The following VAMP2 variants were observed in gnomAD, a reference collection of about 807,000 sequenced individuals.
The protein encoded by VAMP2 is vesicle associated membrane protein 2.
For missense variants in VAMP2, 95 were observed against 151.3 expected (o/e 0.63, Z 1.95); for synonymous variants, 67 against 57.3 (o/e 1.17, Z -0.76).
In VAMP2 at chr17:8,160,380, G is replaced by GTTGTTTTTTTT. The variant is rs1983260313; in HGVS notation, c.*474_*475insAAAAAAAACAA. On this transcript the variant is annotated 3_prime_UTR_variant, in exon 5 of 5. Coordinates refer to ENST00000316509, the MANE Select transcript of VAMP2 (RefSeq NM_014232.3). ...TAAGGAAGCCTGGACAGGTGCTGTT[G>GTTGTTTTTTTT]TTTTTTTTTTTTTTTTTTTTTTTTT... is the stretch of plus-strand genomic sequence containing the variant. 1 of 35,108 alleles carries GTTGTTTTTTTT rather than the reference G, an allele frequency of 2.8e-5. No individual in the cohort carries two copies. 2.2% of individuals were successfully genotyped at this position (35,108 alleles called of 1,614,324 possible). A position where few individuals can be genotyped will look rare whatever the true frequency, so the allele number is the denominator to read the frequency against.
intron 1 of VAMP2, 58 bp from the exon 2 acceptor site, chr17:8,162,427 G>C: frequency 6.3e-7 from 1 of 1,593,016 alleles, no homozygotes. Context: ...CCCGCAGCCA[G>C]GGCTCCGCCC....
Position 8,161,597 on chromosome 17 carries a change from C to T in VAMP2, c.282+11G>A, listed in dbSNP as rs1254163636. 4 of 1,613,922 alleles carry T rather than the reference C, an allele frequency of 2.5e-6. No homozygotes were observed. Among genetic ancestry groups the T allele is most frequent in the Non-Finnish European group, 3.4e-6 (4 of 1,179,910 alleles). Reference sequence around the variant, plus strand: ...TCACCCACCTGTCCTCCTTCCTGTCCCCACCCTTACCTTGAGGTTTTTCCA... The same window carrying T: ...TCACCCACCTGTCCTCCTTCCTGTCTCCACCCTTACCTTGAGGTTTTTCCA... On this transcript the variant is annotated intron_variant, in intron 3 of 4. Coordinates refer to ENST00000316509, the MANE Select transcript of VAMP2 (RefSeq NM_014232.3).
At chr17:8,162,613 G>A in intron 1 of VAMP2, 2 of 1,407,990 alleles carry the variant, frequency 1.4e-6, no homozygotes, top group Non-Finnish European at 1.8e-6. Context: ...ATGCGATCCG[G>A]GTCGACCCGA....
At chr17:8,161,354 T>C (rs1361996538) in intron 4 of VAMP2, 119 bp downstream of exon 4, 2 of 1,386,098 alleles carry the variant, frequency 1.4e-6, no homozygotes, top group Admixed American at 2.4e-5. Context: ...GAATTGCCAT[T>C]AGCAGCTATA....
chr17:8,162,353 T>C lies in VAMP2; in HGVS notation c.19A>G (p.Thr7Ala), dbSNP rs546746397. Residue 7 changes from threonine to alanine, a missense_variant, in exon 2 of 5, where the codon ACG (threonine) becomes GCG (alanine). By Grantham distance (58) the Thr-to-Ala change is moderately conservative. Transcript: ENST00000316509. ...CCAGCCGGGGCAGCAGGGGGGGCCG[T>C]GGCAGCGGTAGCAGACCTGAGGAGC... MSATAATAPPAAPAGEG... is the reference protein window; with the variant it reads MSATAAAAPPAAPAGEG... 1 of 1,608,164 alleles carries C rather than the reference T, an allele frequency of 6.2e-7. No homozygotes were observed. Among genetic ancestry groups the C allele is most frequent in the African/African-American group, 1.3e-5 (1 of 74,622 alleles).
chr17:8,161,866 C>A (rs1039931153), intron 2 of VAMP2, 100 bp from the exon 3 acceptor site: 2 of 1,512,438 alleles, frequency 1.3e-6, no homozygotes, highest in Non-Finnish European at 1.8e-6. Context: ...GGAACATGCA[C>A]CCTGATACTG....
At position 8,159,911 on chromosome 17, in the gene VAMP2, G is replaced by A. The variant is rs909675916; in HGVS notation, c.*944C>T. On this transcript the variant is annotated 3_prime_UTR_variant, in exon 5 of 5. Coordinates refer to ENST00000316509, the MANE Select transcript of VAMP2 (RefSeq NM_014232.3). Reference sequence around the variant, plus strand: ...ATGAAAACTGGGGAGCAGGAATGTAGGGAGAAACCCGAAGTGGCAGAATTA... The same window carrying A: ...ATGAAAACTGGGGAGCAGGAATGTAAGGAGAAACCCGAAGTGGCAGAATTA... The A allele has an allele frequency of 6.6e-6, 1 of 152,586 alleles. No individual in the cohort carries two copies. Among genetic ancestry groups the A allele is most frequent in the African/African-American group, 2.4e-5 (1 of 41,456 alleles). 9.5% of individuals were successfully genotyped at this position (152,586 alleles called of 1,614,324 possible). A position where few individuals can be genotyped will look rare whatever the true frequency, so the allele number is the denominator to read the frequency against.
chr17:8,161,445 G>A (rs768339861), intron 4 of VAMP2, 28 bp downstream of exon 4: 120 of 1,613,364 alleles, frequency 7.4e-5, no homozygotes, highest in Middle Eastern at 1.7e-4. Context: ...TCCAGGGAAA[G>A]GGCCCCGGCC....
rs372674797 is a variant in VAMP2, at chr17:8,161,599, C to T, written c.282+9G>A. ...ACCCACCTGTCCTCCTTCCTGTCCC[C>T]ACCCTTACCTTGAGGTTTTTCCACC... On this transcript the variant is annotated intron_variant, in intron 3 of 4. Coordinates refer to ENST00000316509, the MANE Select transcript of VAMP2 (RefSeq NM_014232.3). The T allele has an allele frequency of 5.8e-5, 94 of 1,613,976 alleles. No homozygotes were observed. The highest frequency in any genetic ancestry group is 7.5e-5 in the Non-Finnish European group (88 of 1,179,950).
At chr17:8,162,077 C>T (rs924378371) in intron 2 of VAMP2, among the ~76,000 whole-genome samples, 172 bp downstream of exon 2, 1 of 152,188 alleles carries the variant, frequency 6.6e-6, no homozygotes, top group Non-Finnish European at 1.5e-5. Context: ...GATTAACACC[C>T]CCAGCGCCCT....
chr17:8,162,767 C>A, intron 1 of VAMP2, 111 bp downstream of exon 1: 1 of 1,242,066 alleles, frequency 8.1e-7, no homozygotes. Flanking sequence ...TTGGGCCTGG[C>A]CCCGGGGCGC....
intron 4 of VAMP2, 36 bp from the exon 5 acceptor site, chr17:8,160,907 G>C: frequency 6.4e-7 from 1 of 1,560,060 alleles, no homozygotes; most frequent in Non-Finnish European, 8.8e-7. Flanking sequence ...GGAAGAGGGA[G>C]AGGGGAGAGA....
intron 4 of VAMP2, 182 bp downstream of exon 4, chr17:8,161,291 C>G (rs1485159105): frequency 2.6e-5 from 23 of 900,022 alleles, no homozygotes; most frequent in Non-Finnish European, 3.8e-5. Context: ...CTGCCAAGAA[C>G]TAGGCAAAAT....
chr17:8,159,754 A>G lies in VAMP2; in HGVS notation c.*1101T>C. On this transcript the variant is annotated 3_prime_UTR_variant, in exon 5 of 5. Transcript: ENST00000316509. ...CCTCCCCAAGGCAGTGATGACCCCC[A>G]CACACACACTGGTAGCCACCCCTCT... is the stretch of plus-strand genomic sequence containing the variant. 6.6e-6 allele frequency: 1 copy of G among 152,600 alleles called. No homozygotes were observed. Among genetic ancestry groups the G allele is most frequent in the South Asian group, 2.1e-4 (1 of 4,828 alleles). The allele number at this position is 152,600 out of a possible 1,614,324, so 9.5% of individuals were successfully genotyped here.
intron 1 of VAMP2, 156 bp downstream of exon 1, chr17:8,162,722 C>G (rs964490934): frequency 7.0e-6 from 9 of 1,292,350 alleles, no homozygotes; most frequent in Non-Finnish European, 6.8e-6. Flanking sequence ...GCCCGGGACG[C>G]GGGGCTCCTC....
chr17:8,162,909 G>C lies in VAMP2; in HGVS notation c.-30C>G. On this transcript the variant is annotated 5_prime_UTR_variant, in exon 1 of 5. Coordinates refer to ENST00000316509, the MANE Select transcript of VAMP2 (RefSeq NM_014232.3). ...GGGGCAGCGGGTGGAGGACTTGGCA[G>C]CGGCAGTGATGGCGGCGGCGGCTCG... 3 of 1,209,686 alleles carry C rather than the reference G, an allele frequency of 2.5e-6. No homozygotes were observed. The highest frequency in any genetic ancestry group is 1.6e-5 in the African/African-American group (1 of 63,528). 74.9% of individuals were successfully genotyped at this position (1,209,686 alleles called of 1,614,324 possible). A position where few individuals can be genotyped will look rare whatever the true frequency, so the allele number is the denominator to read the frequency against.
intron 3 of VAMP2, 41 bp downstream of exon 3, chr17:8,161,567 C>T (rs1983314146): frequency 5.0e-6 from 8 of 1,613,818 alleles, no homozygotes; most frequent in Non-Finnish European, 6.8e-6. Context: ...ACTATGATAC[C>T]CCATTCACCC....
intron 2 of VAMP2, 43 bp downstream of exon 2, chr17:8,162,206 C>A (rs755543751): frequency 3.3e-6 from 5 of 1,502,878 alleles, no homozygotes; most frequent in East Asian, 2.4e-5. Context: ...ATACGCCAAC[C>A]CCCAGGGTCC....
chr17:8,160,735 C>G lies in VAMP2; in HGVS notation c.*120G>C. ...GGCTATTTACAGGGGGACACACACA[C>G]GGACACACACACACACGGATCCAGG... On this transcript the variant is annotated 3_prime_UTR_variant, in exon 5 of 5. Transcript: ENST00000316509. 1 of 920,826 alleles carries G rather than the reference C, an allele frequency of 1.1e-6. No individual in the cohort carries two copies. The highest frequency in any genetic ancestry group is 1.6e-6 in the Non-Finnish European group (1 of 626,874). The allele number at this position is 920,826 out of a possible 1,614,324, so 57.0% of individuals were successfully genotyped here. A position where few individuals can be genotyped will look rare whatever the true frequency, so the allele number is the denominator to read the frequency against.
Sources: gnomAD v4.1 joint callset for allele counts (sites outside exome capture counted in the v4.1 genomes callset) on GRCh38, gnomAD v4.1.1 for gene constraint, MANE v1.5 for transcripts, NCBI Gene and HGNC (gene_info 2026-07-23, HGNC 2026-07-21) for gene names.